The following MORN1 variants were observed in gnomAD, a reference collection of about 807,000 sequenced individuals.
MORN1 encodes MORN repeat containing 1.
MORN1 carries 67 observed loss-of-function variants against 61.9 expected under a neutral mutation model. That is an observed-to-expected ratio of 1.08 (90% CI 0.89 to 1.33). MORN1 has a LOEUF of 1.33. MORN1 is among the 40% of genes most tolerant of loss of function. MORN1 has a pLI of 0.00. For missense variants in MORN1, 752 were observed against 691.2 expected, an observed-to-expected ratio of 1.09 and a Z score of -0.99; for synonymous variants, 301 against 292.0, an observed-to-expected ratio of 1.03 and a Z score of -0.31.
intron 4 of MORN1, 131 bp downstream of exon 4, chr1:2,387,288 C>T: frequency 1.4e-6 from 1 of 725,850 alleles, no homozygotes; most frequent in South Asian, 1.5e-5. Flanking sequence ...AGGGCATGGG[C>T]CCCCTACCTC....
At chr1:2,375,576 G>C (rs570059882) in intron 6 of MORN1, 1 of 152,720 alleles carries the variant, frequency 6.5e-6, no homozygotes, top group East Asian at 1.9e-4. Flanking sequence ...ATGAAGGGCT[G>C]GGGCAGGGTG....
chr1:2,335,822 C>T (rs1465603510), intron 12 of MORN1, among the ~76,000 whole-genome samples: 1 of 150,772 alleles, frequency 6.6e-6, no homozygotes, highest in African/African-American at 2.5e-5. Flanking sequence ...GGCCTCCTCG[C>T]CTCCATAGCC....
At chr1:2,322,832 T>C in intron 13 of MORN1, 1 of 985,302 alleles carries the variant, frequency 1.0e-6, no homozygotes, top group Non-Finnish European at 1.2e-6. Context: ...CTGACCCCAC[T>C]CCTGAGGCTG....
At chr1:2,348,106 A>G (rs1252986319) in intron 10 of MORN1, among the ~76,000 whole-genome samples, 1 of 152,068 alleles carries the variant, frequency 6.6e-6, no homozygotes, top group Non-Finnish European at 1.5e-5. Flanking sequence ...GCGAGCTCTC[A>G]TTGTGTCTTC....
At chr1:2,356,328 T>A (rs1641768678) in intron 10 of MORN1, among the ~76,000 whole-genome samples, 1 of 152,136 alleles carries the variant, frequency 6.6e-6, no homozygotes, top group Non-Finnish European at 1.5e-5. Context: ...CAGGGACGTC[T>A]CGTCAAACCT....
At chr1:2,370,354 C>T (rs929148798) in intron 8 of MORN1, among the ~76,000 whole-genome samples, 1 of 152,162 alleles carries the variant, frequency 6.6e-6, no homozygotes, top group Non-Finnish European at 1.5e-5. Flanking sequence ...CACTGGATCC[C>T]AGGCCTAAAT....
intron 1 of MORN1, chr1:2,390,336 G>A (rs925918380): frequency 2.4e-6 from 2 of 845,980 alleles, no homozygotes; most frequent in Middle Eastern, 6.0e-4. Context: ...TGTTGCAGGA[G>A]ATGAGTGAGC....
chr1:2,348,013 G>A (rs903604435), intron 10 of MORN1, among the ~76,000 whole-genome samples: 5 of 152,132 alleles, frequency 3.3e-5, no homozygotes, highest in African/African-American at 9.7e-5. Context: ...GGCACGCCTC[G>A]GGGTCAGACC....
chr1:2,389,839 A>G (rs1570061022), intron 2 of MORN1, 86 bp downstream of exon 2: 2 of 1,217,510 alleles, frequency 1.6e-6, no homozygotes, highest in Non-Finnish European at 1.2e-6. Context: ...AGGAAATGCC[A>G]CTTGCCCACC....
chr1:2,354,698 C>T (rs566186169), intron 10 of MORN1, among the ~76,000 whole-genome samples: 12 of 152,172 alleles, frequency 7.9e-5, no homozygotes, highest in South Asian at 6.2e-4. Context: ...GGCCAGCATG[C>T]GCACTCAGTC....
At chr1:2,332,805 G>C in intron 12 of MORN1, 1 of 444,178 alleles carries the variant, frequency 2.3e-6, no homozygotes, top group Non-Finnish European at 4.6e-6. Flanking sequence ...GGCTTGTGCG[G>C]AGACGAGGGG....
intron 10 of MORN1, chr1:2,351,822 G>GT (rs2100291515): frequency 1.9e-6 from 1 of 536,296 alleles, no homozygotes; most frequent in African/African-American, 2.0e-5. Context: ...TCTGTGGTCC[G>GT]TGTGTGGCAG....
chr1:2,385,292 G>C (rs1462013104), intron 5 of MORN1: 1 of 578,578 alleles, frequency 1.7e-6, no homozygotes, highest in Non-Finnish European at 3.1e-6. Context: ...AGGCCTGCTC[G>C]GGACGCACTC....
chr1:2,353,327 C>T (rs964216119), intron 10 of MORN1, among the ~76,000 whole-genome samples: 24 of 152,254 alleles, frequency 1.6e-4, no homozygotes, highest in African/African-American at 4.3e-4. Flanking sequence ...TGGCTAAAGC[C>T]GGCCCCCCTG....
chr1:2,366,030 A>T (rs1240167740), intron 8 of MORN1, among the ~76,000 whole-genome samples: 1 of 147,300 alleles, frequency 6.8e-6, no homozygotes, highest in African/African-American at 2.5e-5. Flanking sequence ...ATGCACACGT[A>T]TGTTTATTGC....
chr1:2,354,121 C>T (rs1246384991), intron 10 of MORN1, among the ~76,000 whole-genome samples: 1 of 152,106 alleles, frequency 6.6e-6, no homozygotes, highest in Non-Finnish European at 1.5e-5. Context: ...CCCATCTCTA[C>T]TAAAAATACA....
In MORN1 at chr1:2,321,345, C is replaced by T; in HGVS notation, c.*38G>A. 7.3e-7 allele frequency: 1 copy of T among 1,377,356 alleles called. No individual in the cohort carries two copies. The highest frequency in any genetic ancestry group is 1.4e-5 in the South Asian group (1 of 69,776). The allele number at this position is 1,377,356 out of a possible 1,614,324, so 85.3% of individuals were successfully genotyped here. On this transcript the variant is annotated 3_prime_UTR_variant, in exon 14 of 14. Transcript: ENST00000378531. Reference sequence around the variant, plus strand: ...ACGCAAGCAGAGGCAGCGTTTCCTTCCATTCACACCGAGGTGGCCTCCTGT... The same window carrying T: ...ACGCAAGCAGAGGCAGCGTTTCCTTTCATTCACACCGAGGTGGCCTCCTGT...
At chr1:2,389,897 G>C (rs778050962) in intron 2 of MORN1, 28 bp downstream of exon 2, 4 of 1,606,302 alleles carry the variant, frequency 2.5e-6, no homozygotes, top group Admixed American at 3.3e-5. Flanking sequence ...GGCAGCAGCT[G>C]CAAGAAGAGA....
rs148529455 is a variant in MORN1, at chr1:2,366,488, T to TA, written c.745+5992dup. Reference sequence around the variant, plus strand: ...ACTTTAAGTATAATAATAATAAAATTAAAAAAAAAATAAAAGCAGAAATAG... The same window carrying TA: ...ACTTTAAGTATAATAATAATAAAATTAAAAAAAAAAATAAAAGCAGAAATAG... On this transcript the variant is annotated intron_variant, in intron 8 of 13. Transcript: ENST00000378531. Among the ~76,000 whole-genome samples the TA allele has an allele frequency of 2.5e-4, 38 of 150,680 alleles. No homozygotes were observed. The South Asian group carries it at 5.9e-3, about 23-fold the overall frequency.
Sources: allele counts gnomAD v4.1 joint callset (sites outside exome capture counted in the v4.1 genomes callset), GRCh38; gene constraint gnomAD v4.1.1; transcripts MANE v1.5; gene names NCBI Gene and HGNC (gene_info 2026-07-23, HGNC 2026-07-21).